Variants in HYDIN observed in about 807,000 individuals in gnomAD.
HYDIN encodes axonemal central pair apparatus protein HYDIN.
HYDIN carries 132 observed loss-of-function variants against 403.9 expected under a neutral mutation model. That is an observed-to-expected ratio of 0.33 (90% CI 0.28 to 0.38). The LOEUF (loss-of-function observed/expected upper bound fraction) is 0.38. Ranked by LOEUF, HYDIN falls within the 10% of genes least tolerant of loss-of-function variation. The probability of loss-of-function intolerance (pLI) is 1.00; values close to 1 mark genes in which losing one functional copy is unlikely to be tolerated. For synonymous variants in HYDIN, 1,202 were observed against 1,891.7 expected (o/e 0.64, Z 9.46); for missense variants, 2,827 against 5,009.5 (o/e 0.56, Z 13.15).
rs571374886 is a variant in HYDIN at position 70,981,573 on chromosome 16, G to A, written c.4333-5C>T. On this transcript the variant is annotated splice_polypyrimidine_tract_variant and splice_region_variant and intron_variant, in intron 28 of 85. Transcript: ENST00000393567. The stretch of plus-strand genomic sequence containing the variant: ...TTGATGTGAACTGATAAAGCCCTAC[G>A]CGGTAGAAAGACCAGAAAAGGGAAA... The A allele has an allele frequency of 3.1e-5, 50 of 1,609,582 alleles. No homozygotes were observed. In the Admixed American group the frequency reaches 3.2e-4, roughly 10 times the overall value.
At chr16:71,033,415 T>C (rs1047623490) in intron 18 of HYDIN, among the ~76,000 whole-genome samples, 81 of 152,300 alleles carry the variant, frequency 5.3e-4, no homozygotes, top group African/African-American at 1.9e-3. Context: ...TAAACAATTA[T>C]CTCAAAGTTA....
chr16:70,834,889 TGTA>T (rs1424720001), intron 78 of HYDIN, among the ~76,000 whole-genome samples: 2 of 149,434 alleles, frequency 1.3e-5, no homozygotes, highest in African/African-American at 4.9e-5. Context: ...TGTGTGTGTG[TGTA>T]TATATATATA....
rs2076606243 is a variant in HYDIN, at chr16:70,908,716, G to A, written c.8150C>T (p.Ser2717Phe). 3 of 1,612,732 alleles carry A rather than the reference G, an allele frequency of 1.9e-6. No individual in the cohort carries two copies. Among genetic ancestry groups the A allele is most frequent in the South Asian group, 1.1e-5 (1 of 90,816 alleles). The change falls in exon 48 of 86, where the codon TCC becomes TTC. Residue 2717 changes from serine to phenylalanine, a missense_variant. By Grantham distance (155) the Ser-to-Phe change is radical. Coordinates refer to ENST00000393567, the MANE Select transcript of HYDIN (RefSeq NM_001270974.2). ...GTCCAGGTCTGTATCTGACAGCTGG[G>A]AAATGGTTCCAGCAGGTTCCCCAGA... The part of the protein sequence containing the change: ...VLSGEPAGTI[S>F]QLSDTDLDNF...
At chr16:71,004,279 A>G (rs1482543248) in intron 23 of HYDIN, among the ~76,000 whole-genome samples, 5 of 148,566 alleles carry the variant, frequency 3.4e-5, no homozygotes, top group Non-Finnish European at 5.9e-5. Context: ...ATGCCATTGC[A>G]CTCCATCCTG....
intron 30 of HYDIN, among the ~76,000 whole-genome samples, chr16:70,978,239 T>C (rs2078944949): frequency 6.6e-6 from 1 of 151,286 alleles, no homozygotes; most frequent in South Asian, 2.1e-4. Flanking sequence ...CATGCCCATA[T>C]CCAATCAATC....
intron 10 of HYDIN, among the ~76,000 whole-genome samples, chr16:71,115,269 C>T (rs990074035): frequency 7.2e-5 from 11 of 152,154 alleles, no homozygotes; most frequent in African/African-American, 2.7e-4. Context: ...CTCCTTTACT[C>T]GGCACTTCTC....
chr16:70,821,987 C>T (rs2036297239), intron 83 of HYDIN, among the ~76,000 whole-genome samples: 1 of 152,162 alleles, frequency 6.6e-6, no homozygotes, highest in African/African-American at 2.4e-5. Context: ...TGGAACTGTA[C>T]AGGAGATGAA....
At chr16:70,878,216 T>G (rs1433084150) in intron 62 of HYDIN, among the ~76,000 whole-genome samples, 1 of 151,182 alleles carries the variant, frequency 6.6e-6, no homozygotes, top group African/African-American at 2.4e-5. Context: ...CAAGCTCTCT[T>G]GCCTGCCACC....
intron 53 of HYDIN, among the ~76,000 whole-genome samples, chr16:70,899,025 C>A (rs2076286373): frequency 6.6e-6 from 1 of 151,920 alleles, no homozygotes; most frequent in African/African-American, 2.4e-5. Flanking sequence ...CCCACCTAGG[C>A]CTCCCAAAAT....
chr16:70,950,329 C>G (rs113355734), intron 41 of HYDIN, among the ~76,000 whole-genome samples: 2,081 of 151,998 alleles, frequency 0.014, 47 homozygotes, highest in African/African-American at 0.047. Flanking sequence ...TGGCTCACTG[C>G]AACCTCCACC....
At chr16:71,063,803 T>C (rs1287599610) in intron 16 of HYDIN, among the ~76,000 whole-genome samples, 1 of 152,138 alleles carries the variant, frequency 6.6e-6, no homozygotes, top group Non-Finnish European at 1.5e-5. Flanking sequence ...ATGCCATGGA[T>C]TGCCATTTTG....
intron 9 of HYDIN, among the ~76,000 whole-genome samples, chr16:71,126,246 C>T (rs1404089171): frequency 2.0e-5 from 3 of 152,120 alleles, no homozygotes; most frequent in Non-Finnish European, 2.9e-5. Flanking sequence ...GTAATTTTCC[C>T]AATTGGAAAC....
chr16:70,954,236 C>T (rs1247798698), intron 40 of HYDIN, among the ~76,000 whole-genome samples: 1 of 86,228 alleles, frequency 1.2e-5, no homozygotes, highest in Admixed American at 1.4e-4. Flanking sequence ...ATCTTGTAAT[C>T]CCAGCACTTT....
intron 12 of HYDIN, among the ~76,000 whole-genome samples, chr16:71,085,707 C>T (rs1420795988): frequency 6.6e-6 from 1 of 151,898 alleles, no homozygotes; most frequent in Non-Finnish European, 1.5e-5. Flanking sequence ...TGTAAAATGC[C>T]CTTCTTTGTC....
intron 1 of HYDIN, among the ~76,000 whole-genome samples, chr16:71,189,949 C>G (rs1567430341): frequency 6.6e-6 from 1 of 151,980 alleles, no homozygotes; most frequent in Non-Finnish European, 1.5e-5. Flanking sequence ...AGGAACCAAG[C>G]ATTTCAGTAT....
At chr16:70,916,578 C>G in intron 47 of HYDIN, among the ~76,000 whole-genome samples, 1 of 152,148 alleles carries the variant, frequency 6.6e-6, no homozygotes, top group Non-Finnish European at 1.5e-5. Context: ...TTTATTCCTG[C>G]AGTTGTTCTG....
chr16:71,050,118 G>T (rs541180891), intron 18 of HYDIN, among the ~76,000 whole-genome samples: 4 of 145,272 alleles, frequency 2.8e-5, no homozygotes, highest in Non-Finnish European at 6.1e-5. Context: ...AAGAGATAAT[G>T]GCTGAGACAT....
chr16:71,061,876 G>A (rs201545189), intron 17 of HYDIN, among the ~76,000 whole-genome samples: 3 of 55,218 alleles, frequency 5.4e-5, no homozygotes. Flanking sequence ...GTGTGTGTGT[G>A]TGTGTGTGTG....
At chr16:70,947,988 C>T (rs1251679722) in intron 41 of HYDIN, among the ~76,000 whole-genome samples, 14 of 151,418 alleles carry the variant, frequency 9.2e-5, no homozygotes, top group East Asian at 1.9e-4. Flanking sequence ...AAAAAGAGCC[C>T]GCATCGCCAA....
Sources: allele counts gnomAD v4.1 joint callset (sites outside exome capture counted in the v4.1 genomes callset), GRCh38; gene constraint gnomAD v4.1.1; transcripts MANE v1.5; gene names NCBI Gene and HGNC (gene_info 2026-07-23, HGNC 2026-07-21).